TRPM1: variants seen among roughly 807,000 people sequenced by gnomAD.
The protein encoded by TRPM1 is transient receptor potential cation channel subfamily M member 1.
Under a neutral mutation model 149.4 loss-of-function variants are expected in TRPM1, and 113 were observed. The observed-to-expected ratio is 0.76, with a 90% CI of 0.65 to 0.88. TRPM1 has a LOEUF of 0.88. TRPM1 is among the 40% of genes least tolerant of loss of function. TRPM1 has a pLI of 0.00. For missense variants in TRPM1, 1,976 were observed against 2,038.7 expected (o/e 0.97, Z 0.59); for synonymous variants, 741 against 759.5 (o/e 0.98, Z 0.40).
intron 21 of TRPM1, among the ~76,000 whole-genome samples, chr15:31,034,403 C>T (rs920761474): frequency 6.6e-6 from 1 of 152,218 alleles, no homozygotes; most frequent in African/African-American, 2.4e-5. Context: ...TTGCCCACCC[C>T]ATCTGCTGCA....
chr15:31,151,363 A>G (rs1380141220), intron 1 of TRPM1, among the ~76,000 whole-genome samples: 4 of 152,168 alleles, frequency 2.6e-5, no homozygotes. Flanking sequence ...AAAGCGGCCA[A>G]GTGTTTTATA....
At chr15:31,108,665 G>A (rs73375923) in intron 1 of TRPM1, among the ~76,000 whole-genome samples, 3,632 of 152,068 alleles carry the variant, frequency 0.024, 160 homozygotes, top group African/African-American at 0.084. Flanking sequence ...AGCTAATTTT[G>A]TATATTTTAG....
In TRPM1 at chr15:31,002,932, A is replaced by C; in HGVS notation, c.3768T>G (p.Leu1256=). ...TCAGGTCAGACCTGTCGATTCCCGC[A>C]AGATTTTCAAGAGCATTCACCATTC... ...SNRMVNALEN[L]AGIDRSDLIQ... Residue 1256 remains leucine, a synonymous_variant, in exon 28 of 28, where the codon CTT becomes CTG. Coordinates refer to ENST00000256552, the MANE Select transcript of TRPM1 (RefSeq NM_001252024.2). 1 of 1,602,946 alleles carries C rather than the reference A, an allele frequency of 6.2e-7. No individual in the cohort carries two copies. The highest frequency in any genetic ancestry group is 8.5e-7 in the Non-Finnish European group (1 of 1,172,992).
intron 13 of TRPM1, among the ~76,000 whole-genome samples, chr15:31,048,770 T>C (rs989135274): frequency 3.9e-5 from 6 of 151,968 alleles, no homozygotes; most frequent in African/African-American, 1.5e-4. Flanking sequence ...TGAGATCATG[T>C]CACTGCACCC....
intron 1 of TRPM1, among the ~76,000 whole-genome samples, chr15:31,159,600 A>G (rs563851123): frequency 6.6e-6 from 1 of 152,330 alleles, no homozygotes; most frequent in African/African-American, 2.4e-5. Flanking sequence ...CTGAGCCCCA[A>G]GGATGGATCT....
chr15:31,121,087 C>T (rs2035870393), intron 1 of TRPM1, among the ~76,000 whole-genome samples: 1 of 151,786 alleles, frequency 6.6e-6, no homozygotes, highest in Non-Finnish European at 1.5e-5. Context: ...TTTAGCCAGG[C>T]ATGGTGGTGG....
At chr15:31,071,978 A>AAAT (rs1567034341) in intron 3 of TRPM1, among the ~76,000 whole-genome samples, 3 of 62,386 alleles carry the variant, frequency 4.8e-5, no homozygotes, top group Non-Finnish European at 8.7e-5. Flanking sequence ...AAAAAAAAAA[A>AAAT]ACATATATAT....
chr15:31,154,242 G>A (rs2036339661), intron 1 of TRPM1, among the ~76,000 whole-genome samples: 1 of 152,130 alleles, frequency 6.6e-6, no homozygotes, highest in African/African-American at 2.4e-5. Flanking sequence ...GAAAAATTTA[G>A]CAAGACAGCA....
chr15:31,038,317 T>C, intron 18 of TRPM1, 151 bp from the exon 19 acceptor site: 1 of 907,436 alleles, frequency 1.1e-6, no homozygotes, highest in Non-Finnish European at 1.7e-6. Context: ...TGACATGTGC[T>C]TGGTAAATTA....
intron 1 of TRPM1, among the ~76,000 whole-genome samples, chr15:31,108,651 G>C (rs11635797): frequency 6.6e-6 from 1 of 152,028 alleles, no homozygotes; most frequent in Non-Finnish European, 1.5e-5. Context: ...GTGCCACCAT[G>C]CTCAGCTAAT....
chr15:31,056,755 C>T (rs1257711397), intron 11 of TRPM1, among the ~76,000 whole-genome samples: 1 of 152,200 alleles, frequency 6.6e-6, no homozygotes, highest in Admixed American at 6.5e-5. Flanking sequence ...CCCTCTCTCG[C>T]TGTCTCTCGC....
chr15:31,113,446 A>C (rs943908088), intron 1 of TRPM1, among the ~76,000 whole-genome samples: 3 of 145,506 alleles, frequency 2.1e-5, no homozygotes, highest in East Asian at 1.9e-4. Flanking sequence ...TTTTTTTTTC[A>C]AAATCTCTAA....
intron 2 of TRPM1, among the ~76,000 whole-genome samples, chr15:31,080,039 C>T (rs117254136): frequency 9.9e-5 from 15 of 152,200 alleles, no homozygotes; most frequent in Non-Finnish European, 1.9e-4. Context: ...AGAATTATAA[C>T]CTTTAGACTT....
At chr15:31,088,866 G>C (rs1198719230) in intron 1 of TRPM1, among the ~76,000 whole-genome samples, 2 of 54,278 alleles carry the variant, frequency 3.7e-5, no homozygotes, top group Non-Finnish European at 7.6e-5. Context: ...TGCGGGTATT[G>C]ACATTTGGCC....
In TRPM1 at chr15:31,067,773, G is replaced by C. The variant is rs2034421067; in HGVS notation, c.493+106C>G. 2.7e-6 allele frequency: 3 copies of C among 1,099,802 alleles called. No homozygotes were observed. In the South Asian group the frequency reaches 3.8e-5, roughly 14 times the overall value. 68.1% of individuals were successfully genotyped at this position (1,099,802 alleles called of 1,614,324 possible). ...TTCACTTTAGTCATAAATAGGATCA[G>C]GATGCAATATGTTTTGTTGTCCTTA... On this transcript the variant is annotated intron_variant, in intron 5 of 27. Transcript: ENST00000256552.
intron 7 of TRPM1, chr15:31,065,259 C>G (rs1208981618): frequency 5.0e-6 from 2 of 402,418 alleles, no homozygotes; most frequent in Non-Finnish European, 5.1e-6. Context: ...TACAACTTTT[C>G]CTAGTAGGCC....
In TRPM1 at chr15:31,118,252, T is replaced by C. The variant is rs1010039364; in HGVS notation, c.55-41268A>G. Among the ~76,000 whole-genome samples, 31 of 152,196 alleles carry C rather than the reference T, an allele frequency of 2.0e-4. No individual in the cohort carries two copies. In the East Asian group the frequency reaches 5.0e-3, roughly 25 times the overall value. On this transcript the variant is annotated intron_variant, in intron 1 of 26. Transcript: ENST00000542188. ...CAGCCTGGGTGACAGAGCCAGACCC[T>C]GTCTCAAAAACTATATAATAAAAAT...
intron 13 of TRPM1, 46 bp from the exon 14 acceptor site, chr15:31,047,985 A>G (rs776913156): frequency 1.3e-6 from 2 of 1,569,178 alleles, no homozygotes; most frequent in Non-Finnish European, 1.8e-6. Flanking sequence ...TTTCTTGGCC[A>G]GGCGCGGTGG....
chr15:31,150,433 C>CA (rs2036284568), intron 1 of TRPM1, among the ~76,000 whole-genome samples: 3 of 110,874 alleles, frequency 2.7e-5, no homozygotes, highest in Admixed American at 1.9e-4. Flanking sequence ...TTTTCTTTTC[C>CA]TTTTTTTTTT....
Sources: allele counts gnomAD v4.1 joint callset (sites outside exome capture counted in the v4.1 genomes callset), GRCh38; gene constraint gnomAD v4.1.1; transcripts MANE v1.5; gene names NCBI Gene and HGNC (gene_info 2026-07-23, HGNC 2026-07-21).